KCNQ1: variants seen among roughly 807,000 people sequenced by gnomAD.
KCNQ1 encodes potassium voltage-gated channel subfamily KQT member 1.
A neutral mutation model predicts 72.4 loss-of-function variants in KCNQ1; 49 were observed. That is an observed-to-expected ratio of 0.68 (90% CI 0.54 to 0.86). KCNQ1 has a LOEUF of 0.86. Ranked by LOEUF, KCNQ1 falls within the 40% of genes least tolerant of loss-of-function variation. KCNQ1 has a pLI of 0.00. For synonymous variants in KCNQ1, 450 were observed against 412.6 expected, an observed-to-expected ratio of 1.09 and a Z score of -1.10; for missense variants, 790 against 945.1, an observed-to-expected ratio of 0.84 and a Z score of 2.15.
chr11:2,551,669 A>G (rs372800656), intron 2 of KCNQ1, among the ~76,000 whole-genome samples: 2 of 152,324 alleles, frequency 1.3e-5, no homozygotes, highest in South Asian at 4.2e-4. Flanking sequence ...TTTCGAAGAA[A>G]CTGCCAAAGC....
At position 2,541,802 on chromosome 11, in the gene KCNQ1, G is replaced by A. The variant is rs1036650739; in HGVS notation, c.477+13784G>A. ...TCATCCCGGGAGTTTGTAAGAATTTGTAGTTTCTCCCCAGAGTTCATGGAG... is the reference window on the plus strand; with the variant it reads ...TCATCCCGGGAGTTTGTAAGAATTTATAGTTTCTCCCCAGAGTTCATGGAG... On this transcript the variant is annotated intron_variant, in intron 2 of 15. Coordinates refer to ENST00000155840, the MANE Select transcript of KCNQ1 (RefSeq NM_000218.3). The surrounding 1 kb of genome is among the most constrained non-coding windows in gnomAD (Gnocchi z 4.8). Among the ~76,000 whole-genome samples the A allele has an allele frequency of 1.3e-5, 2 of 151,418 alleles. No individual in the cohort carries two copies. The highest frequency in any genetic ancestry group is 6.6e-5 in the Admixed American group (1 of 15,240).
At chr11:2,765,398 G>C (rs181745996) in intron 11 of KCNQ1, among the ~76,000 whole-genome samples, 38 of 152,282 alleles carry the variant, frequency 2.5e-4, no homozygotes, top group Non-Finnish European at 5.3e-4. Flanking sequence ...GTTGGAACTT[G>C]CTTCTGAAGT....
chr11:2,604,930 C>T (rs1292891418), intron 10 of KCNQ1, among the ~76,000 whole-genome samples: 1 of 152,196 alleles, frequency 6.6e-6, no homozygotes, highest in Non-Finnish European at 1.5e-5. Context: ...GAGCACTGCG[C>T]AAGTTCTCCA....
intron 1 of KCNQ1, among the ~76,000 whole-genome samples, chr11:2,525,958 A>T (rs1156853077): frequency 6.6e-6 from 1 of 152,202 alleles, no homozygotes; most frequent in Non-Finnish European, 1.5e-5. Context: ...CCCAGCGATG[A>T]TGCTTGAGTA....
intron 10 of KCNQ1, among the ~76,000 whole-genome samples, chr11:2,591,531 G>A (rs998848716): frequency 2.0e-5 from 3 of 152,228 alleles, no homozygotes; most frequent in South Asian, 4.1e-4. Context: ...ATGCAAATGG[G>A]GGCTTTCTGC....
At chr11:2,656,811 C>G (rs1460385143) in intron 10 of KCNQ1, 1 of 398,432 alleles carries the variant, frequency 2.5e-6, no homozygotes, top group Non-Finnish European at 4.4e-6. Context: ...AGATATTCTT[C>G]TATATTCAGT....
intron 15 of KCNQ1, among the ~76,000 whole-genome samples, chr11:2,843,572 G>T (rs1009212697): frequency 1.3e-5 from 2 of 152,260 alleles, no homozygotes; most frequent in African/African-American, 4.8e-5. Context: ...GGGTGTGCCC[G>T]GCCTCTCCCG....
Position 2,816,397 on chromosome 11 carries a change from T to G in KCNQ1, c.1795-31370T>G, listed in dbSNP as rs1475277543. On this transcript the variant is annotated intron_variant, in intron 15 of 15. Transcript: ENST00000155840. The surrounding 1 kb of genome is among the most constrained non-coding windows in gnomAD (Gnocchi z 6.8). The stretch of plus-strand genomic sequence containing the variant: ...GTGAAAATGGTCAGGCTGCTGAAAG[T>G]GAGACCACACTCACCCTGTGGTCCA... 6.6e-6 allele frequency among the ~76,000 whole-genome samples: 1 copy of G among 152,178 alleles called. No homozygotes were observed. The highest frequency in any genetic ancestry group is 2.4e-5 in the African/African-American group (1 of 41,454).
rs542435189 is a variant in KCNQ1, at chr11:2,549,742, G to A, written c.478-20886G>A. Among the ~76,000 whole-genome samples, 33 of 152,188 alleles carry A rather than the reference G, an allele frequency of 2.2e-4. No homozygotes were observed. Among genetic ancestry groups the A allele is most frequent in the African/African-American group, 7.7e-4 (32 of 41,538 alleles). On this transcript the variant is annotated intron_variant, in intron 2 of 15. Transcript: ENST00000155840. This position sits in a 1 kb window ranked among gnomAD's most constrained non-coding sequence, Gnocchi z 6.2. ...AGGCCTGGTGTGGGGGTGCCTGGGG[G>A]GCAGTGGACGTGAGCAGCAGCACGT...
chr11:2,684,019 C>T, intron 11 of KCNQ1: 2 of 398,008 alleles, frequency 5.0e-6, no homozygotes, highest in South Asian at 2.6e-4. Context: ...CCTTAGTCAA[C>T]ATCAGCTAAC....
intron 12 of KCNQ1, among the ~76,000 whole-genome samples, chr11:2,774,945 C>A (rs1055768944): frequency 5.9e-5 from 9 of 152,328 alleles, no homozygotes; most frequent in African/African-American, 2.2e-4. Flanking sequence ...CCCTCCCCAC[C>A]AAGCCGCTTG....
chr11:2,461,301 C>A, intron 1 of KCNQ1: 1 of 711,772 alleles, frequency 1.4e-6, no homozygotes, highest in Non-Finnish European at 2.0e-6. Context: ...CTTCTCAGGC[C>A]GCCTCGCAGC....
At chr11:2,619,088 G>T (rs1589984973) in intron 10 of KCNQ1, 1 of 398,258 alleles carries the variant, frequency 2.5e-6, no homozygotes, top group East Asian at 3.6e-5. Flanking sequence ...GAGTCTTCGG[G>T]GTTTTCTATA....
At position 2,827,955 on chromosome 11, in the gene KCNQ1, C is replaced by A. The variant is rs1372227723; in HGVS notation, c.1795-19812C>A. Among the ~76,000 whole-genome samples the A allele has an allele frequency of 6.6e-6, 1 of 152,048 alleles. No individual in the cohort carries two copies. The highest frequency in any genetic ancestry group is 1.5e-5 in the Non-Finnish European group (1 of 68,010). On this transcript the variant is annotated intron_variant, in intron 15 of 15. Transcript: ENST00000155840. The surrounding 1 kb of genome is among the most constrained non-coding windows in gnomAD (Gnocchi z 6.7). ...CCGGGAACCCTATGGTGGTGTTGGC[C>A]CTGAGTCCAAGCCAGGCACCACCGG...
chr11:2,788,636 G>A (rs1846958673), intron 15 of KCNQ1, among the ~76,000 whole-genome samples: 1 of 152,076 alleles, frequency 6.6e-6, no homozygotes, highest in Non-Finnish European at 1.5e-5. Flanking sequence ...GCAAAGGCGG[G>A]GGCTCTGACT....
At chr11:2,779,626 C>A (rs774157477) in intron 15 of KCNQ1, among the ~76,000 whole-genome samples, 7 of 152,222 alleles carry the variant, frequency 4.6e-5, no homozygotes, top group Non-Finnish European at 8.8e-5. Flanking sequence ...ACCTTTCTTA[C>A]GGCTCTGCCC....
At position 2,541,564 on chromosome 11, in the gene KCNQ1, G is replaced by C. The variant is rs574107168; in HGVS notation, c.477+13546G>C. 1.8e-4 allele frequency among the ~76,000 whole-genome samples: 27 copies of C among 152,178 alleles called. No homozygotes were observed. The South Asian group carries it at 5.4e-3, about 31-fold the overall frequency. ...GCGGTGGCTATGAAAGCCTGGGATTGAGGACAAAGCCATGGGGACGCCGTT... is the reference window on the plus strand; with the variant it reads ...GCGGTGGCTATGAAAGCCTGGGATTCAGGACAAAGCCATGGGGACGCCGTT... On this transcript the variant is annotated intron_variant, in intron 2 of 15. Transcript: ENST00000155840. This position sits in a 1 kb window ranked among gnomAD's most constrained non-coding sequence, Gnocchi z 4.8.
At chr11:2,500,513 C>T (rs1313354862) in intron 1 of KCNQ1, among the ~76,000 whole-genome samples, 1 of 152,128 alleles carries the variant, frequency 6.6e-6, no homozygotes, top group Non-Finnish European at 1.5e-5. Flanking sequence ...ACCCAGTGAT[C>T]CCATTACTGG....
intron 1 of KCNQ1, among the ~76,000 whole-genome samples, chr11:2,523,274 A>ACCTCCAC (rs1281648640): frequency 2.0e-5 from 3 of 150,632 alleles, no homozygotes; most frequent in Admixed American, 6.6e-5. Flanking sequence ...GCTCACTGCA[A>ACCTCCAC]CCTCCACCTC....
Sources: allele counts gnomAD v4.1 joint callset (sites outside exome capture counted in the v4.1 genomes callset), GRCh38; gene constraint gnomAD v4.1.1; non-coding constraint Gnocchi (gnomAD v3.1); transcripts MANE v1.5; gene names NCBI Gene and HGNC (gene_info 2026-07-23, HGNC 2026-07-21).